Variants in ADAMTS3 observed in about 807,000 individuals in gnomAD.
The protein encoded by ADAMTS3 is ADAM metallopeptidase with thrombospondin type 1 motif 3.
A neutral mutation model predicts 129.0 loss-of-function variants in ADAMTS3; 73 were observed. The ratio of observed to expected loss-of-function variants is 0.57; its 90% CI spans 0.47 to 0.69. The LOEUF (loss-of-function observed/expected upper bound fraction) is 0.69. Ranked by LOEUF, ADAMTS3 falls within the 30% of genes least tolerant of loss-of-function variation. The pLI is 0.00. For missense variants in ADAMTS3, 1,457 were observed against 1,514.5 expected (o/e 0.96, Z 0.63); for synonymous variants, 477 against 510.8 (o/e 0.93, Z 0.89).
rs1442994256 is a variant in ADAMTS3, at chr4:72,520,652, G to A, written c.504+27826C>T. On this transcript the variant is annotated intron_variant, in intron 3 of 21. Transcript: ENST00000286657. ...GCGTAGGACCCTCCAAGCCATGTGC[G>A]GGATATAATCTCCTGGTGCGCTGTT... Among the ~76,000 whole-genome samples, 5 of 152,176 alleles carry A rather than the reference G, an allele frequency of 3.3e-5. 1 individual carries two copies. The highest frequency in any genetic ancestry group is 4.1e-4 in the South Asian group (2 of 4,828).
intron 3 of ADAMTS3, among the ~76,000 whole-genome samples, chr4:72,531,397 A>T (rs1265770444): frequency 6.6e-6 from 1 of 152,190 alleles, no homozygotes; most frequent in African/African-American, 2.4e-5. Flanking sequence ...TTGGCCGCAG[A>T]ATATACATAT....
At chr4:72,532,785 A>G (rs1012523157) in intron 3 of ADAMTS3, among the ~76,000 whole-genome samples, 2 of 152,168 alleles carry the variant, frequency 1.3e-5, no homozygotes, top group Non-Finnish European at 2.9e-5. Context: ...CTGTCATAAC[A>G]TAGGAAGTAT....
intron 4 of ADAMTS3, among the ~76,000 whole-genome samples, chr4:72,382,988 A>T (rs1387781966): frequency 6.6e-6 from 1 of 152,208 alleles, no homozygotes; most frequent in Non-Finnish European, 1.5e-5. Flanking sequence ...CACTATACCC[A>T]TGTAACAAAC....
intron 4 of ADAMTS3, among the ~76,000 whole-genome samples, chr4:72,348,280 G>A (rs1422000575): frequency 6.6e-6 from 1 of 151,954 alleles, no homozygotes; most frequent in African/African-American, 2.4e-5. Context: ...ACAAGGCGAG[G>A]GAGGCAAAAT....
At chr4:72,494,482 A>AT (rs1451507452) in intron 3 of ADAMTS3, among the ~76,000 whole-genome samples, 1 of 151,776 alleles carries the variant, frequency 6.6e-6, no homozygotes, top group East Asian at 1.9e-4. Flanking sequence ...TTGTTTTCTG[A>AT]TTTTGTTAAG....
At chr4:72,531,859 G>A (rs1215548425) in intron 3 of ADAMTS3, among the ~76,000 whole-genome samples, 5 of 152,122 alleles carry the variant, frequency 3.3e-5, no homozygotes, top group African/African-American at 9.7e-5. Context: ...CACAGTTTCT[G>A]TATGCTGCCA....
At chr4:72,330,101 C>G (rs1173394612) in intron 5 of ADAMTS3, among the ~76,000 whole-genome samples, 1 of 152,162 alleles carries the variant, frequency 6.6e-6, no homozygotes, top group Admixed American at 6.5e-5. Flanking sequence ...TCACTGCAAC[C>G]TCTGCCTCCT....
chr4:72,313,479 T>G (rs1407021093), intron 12 of ADAMTS3, among the ~76,000 whole-genome samples, 198 bp downstream of exon 12: 4 of 152,216 alleles, frequency 2.6e-5, no homozygotes, highest in Non-Finnish European at 5.9e-5. Flanking sequence ...TCGTTTGATC[T>G]TCTTCATCAC....
chr4:72,534,184 G>A (rs908868688), intron 3 of ADAMTS3, among the ~76,000 whole-genome samples: 37 of 152,184 alleles, frequency 2.4e-4, no homozygotes, highest in African/African-American at 7.2e-4. Context: ...AAAATTAGCC[G>A]GGCGTGGTGG....
At chr4:72,444,182 C>T (rs572811429) in intron 3 of ADAMTS3, among the ~76,000 whole-genome samples, 4 of 151,732 alleles carry the variant, frequency 2.6e-5, no homozygotes, top group African/African-American at 4.8e-5. Flanking sequence ...CATAAAAATG[C>T]ACAGACAGTT....
At chr4:72,440,550 A>T (rs893686934) in intron 3 of ADAMTS3, among the ~76,000 whole-genome samples, 31 of 151,802 alleles carry the variant, frequency 2.0e-4, no homozygotes, top group Non-Finnish European at 3.8e-4. Flanking sequence ...TTGCCAGTTC[A>T]TTCTTCAACA....
intron 3 of ADAMTS3, among the ~76,000 whole-genome samples, chr4:72,476,484 C>A (rs1719236409): frequency 6.6e-6 from 1 of 151,818 alleles, no homozygotes; most frequent in Non-Finnish European, 1.5e-5. Flanking sequence ...TTAAAAAATC[C>A]CAAAAAAGGA....
intron 4 of ADAMTS3, among the ~76,000 whole-genome samples, chr4:72,371,020 A>T (rs1720991406): frequency 6.6e-6 from 1 of 152,156 alleles, no homozygotes; most frequent in Admixed American, 6.5e-5. Context: ...ACACATAGAG[A>T]GAACATGTGA....
At chr4:72,303,234 C>A (rs188320656) in intron 17 of ADAMTS3, among the ~76,000 whole-genome samples, 2 of 152,080 alleles carry the variant, frequency 1.3e-5, no homozygotes, top group African/African-American at 4.8e-5. Context: ...CCCTTCTCTC[C>A]TCTAGGTAGT....
At chr4:72,335,288 C>T (rs1220670752) in intron 5 of ADAMTS3, among the ~76,000 whole-genome samples, 1 of 152,072 alleles carries the variant, frequency 6.6e-6, no homozygotes, top group Non-Finnish European at 1.5e-5. Context: ...CATCCAAACA[C>T]CCAGATTTGC....
intron 5 of ADAMTS3, among the ~76,000 whole-genome samples, chr4:72,333,783 A>C (rs1719911866): frequency 6.6e-6 from 1 of 151,912 alleles, no homozygotes; most frequent in African/African-American, 2.4e-5. Context: ...TCAATTTAAT[A>C]ATCAATTCCT....
chr4:72,365,132 A>G (rs1286943461), intron 4 of ADAMTS3, among the ~76,000 whole-genome samples: 1 of 152,204 alleles, frequency 6.6e-6, no homozygotes, highest in East Asian at 1.9e-4. Flanking sequence ...AAATAAGGAC[A>G]ATACTATCTT....
At position 72,404,381 on chromosome 4, in the gene ADAMTS3, T is replaced by C. The variant is rs145359440; in HGVS notation, c.661+10434A>G. Among the ~76,000 whole-genome samples, 817 of 151,778 alleles carry C rather than the reference T, an allele frequency of 5.4e-3. 1 individual carries two copies. The highest frequency in any genetic ancestry group is 0.019 in the African/African-American group (777 of 41,448). On this transcript the variant is annotated intron_variant, in intron 4 of 21. Coordinates refer to ENST00000286657, the MANE Select transcript of ADAMTS3 (RefSeq NM_014243.3). ...AACCCACACATATATGGTCAAATGG[T>C]CCTCCACAAAAATACACAATGGGGA... is the stretch of plus-strand genomic sequence containing the variant.
intron 4 of ADAMTS3, among the ~76,000 whole-genome samples, chr4:72,379,636 A>C (rs1332181894): frequency 4.6e-5 from 7 of 152,108 alleles, no homozygotes; most frequent in Non-Finnish European, 2.9e-5. Flanking sequence ...CAAGTTTTGC[A>C]TATTCCAATT....
Sources: allele counts gnomAD v4.1 joint callset (sites outside exome capture counted in the v4.1 genomes callset), GRCh38; gene constraint gnomAD v4.1.1; transcripts MANE v1.5; gene names NCBI Gene and HGNC (gene_info 2026-07-23, HGNC 2026-07-21).